SLC44A1: variants seen among roughly 807,000 people sequenced by gnomAD.
The protein encoded by SLC44A1 is solute carrier family 44 member 1, also known as choline transporter-like protein 1.
In SLC44A1, 26 loss-of-function variants were observed where a neutral mutation model predicts 79.3. That is an observed-to-expected ratio of 0.33 (90% CI 0.24 to 0.46). The LOEUF is 0.46. SLC44A1 is among the 20% of genes least tolerant of loss of function. The pLI is 1.00. For missense variants in SLC44A1, 688 were observed against 798.1 expected (o/e 0.86, Z 1.66); for synonymous variants, 263 against 286.2 (o/e 0.92, Z 0.82).
At chr9:105,263,504 T>C (rs2131216643) in intron 1 of SLC44A1, among the ~76,000 whole-genome samples, 1 of 152,194 alleles carries the variant, frequency 6.6e-6, no homozygotes, top group East Asian at 1.9e-4. Flanking sequence ...TAAATCTATG[T>C]AATTTTTATT....
intron 15 of SLC44A1, chr9:105,438,137 T>A: frequency 1.6e-6 from 1 of 632,560 alleles, no homozygotes; most frequent in Non-Finnish European, 2.8e-6. Flanking sequence ...AATCTGTGTG[T>A]GTGTGTGTGT....
chr9:105,393,075 A>G lies in SLC44A1; in HGVS notation c.*4019A>G. On this transcript the variant is annotated 3_prime_UTR_variant, in exon 16 of 16. Transcript: ENST00000374720. ...TCCATCTGACACATACGAGTGCACT[A>G]TAATGGCTTGCCTAGAACTGGTAAG... is the stretch of plus-strand genomic sequence containing the variant. 3 of 985,418 alleles carry G rather than the reference A, an allele frequency of 3.0e-6. No individual in the cohort carries two copies. The highest frequency in any genetic ancestry group is 2.4e-6 in the Non-Finnish European group (2 of 829,868). 61.0% of individuals were successfully genotyped at this position (985,418 alleles called of 1,614,324 possible).
Position 105,299,245 on chromosome 9 carries a change from T to A in SLC44A1, c.62T>A (p.Leu21Gln), listed in dbSNP as rs1418266437. ...AQSSKREWKP[L>Q]EDRSCTDIPW... Reference sequence around the variant, plus strand: ...AGCTCCAAACGAGAATGGAAGCCGCTGGAGGACCGTAGCTGCACAGACATA... The same window carrying A: ...AGCTCCAAACGAGAATGGAAGCCGCAGGAGGACCGTAGCTGCACAGACATA... Residue 21 changes from leucine to glutamine, a missense_variant, in exon 2 of 16, where the codon CTG becomes CAG. Leu to Gln is a moderately radical substitution (Grantham distance 113). Transcript: ENST00000374720. The A allele has an allele frequency of 6.3e-7, 1 of 1,592,298 alleles. No individual in the cohort carries two copies. Among genetic ancestry groups the A allele is most frequent in the Non-Finnish European group, 8.5e-7 (1 of 1,172,610 alleles).
chr9:105,300,550 G>C (rs983941459), intron 2 of SLC44A1, among the ~76,000 whole-genome samples: 2 of 152,082 alleles, frequency 1.3e-5, no homozygotes, highest in Non-Finnish European at 2.9e-5. Context: ...AAAAGGAAAA[G>C]AAAGCAATAC....
At chr9:105,308,269 A>G (rs1831085079) in intron 2 of SLC44A1, among the ~76,000 whole-genome samples, 1 of 152,232 alleles carries the variant, frequency 6.6e-6, no homozygotes, top group South Asian at 2.1e-4. Flanking sequence ...AACAACTATA[A>G]TAGCTAAGAC....
Position 105,394,047 on chromosome 9 carries a change from ATCTT to A in SLC44A1, c.*4994_*4997del, listed in dbSNP as rs1386856187. 1.5e-5 allele frequency: 15 copies of A among 985,286 alleles called. No individual in the cohort carries two copies. The highest frequency in any genetic ancestry group is 5.2e-4 in the Middle Eastern group (1 of 1,910). The allele number at this position is 985,286 out of a possible 1,614,324, so 61.0% of individuals were successfully genotyped here. A position where few individuals can be genotyped will look rare whatever the true frequency, so the allele number is the denominator to read the frequency against. The stretch of plus-strand genomic sequence containing the variant: ...TTTGAGCTTAAGAAAGCTATGGACT[ATCTT>A]TCCTTCAAATGCACATCACATGTCT... On this transcript the variant is annotated 3_prime_UTR_variant, in exon 16 of 16. Coordinates refer to ENST00000374720, the MANE Select transcript of SLC44A1 (RefSeq NM_080546.5).
chr9:105,342,439 G>A (rs903725466), intron 4 of SLC44A1, among the ~76,000 whole-genome samples: 5 of 152,128 alleles, frequency 3.3e-5, no homozygotes, highest in African/African-American at 9.7e-5. Context: ...GGCATCCACC[G>A]AGGGGTCTTG....
At chr9:105,270,584 C>G (rs895923256) in intron 1 of SLC44A1, among the ~76,000 whole-genome samples, 6 of 152,210 alleles carry the variant, frequency 3.9e-5, no homozygotes, top group African/African-American at 1.4e-4. Flanking sequence ...GATCCTTCGT[C>G]TTTCAGGGCC....
intron 15 of SLC44A1, among the ~76,000 whole-genome samples, chr9:105,428,433 T>C (rs149714984): frequency 1.2e-3 from 183 of 152,328 alleles, no homozygotes; most frequent in African/African-American, 4.0e-3. Flanking sequence ...AGATCTATGA[T>C]ATTCTAAGAA....
rs914441300 is a variant in SLC44A1, at chr9:105,429,641, A to G, written c.1951-8640A>G. Among the ~76,000 whole-genome samples the G allele has an allele frequency of 2.6e-5, 4 of 152,182 alleles. No individual in the cohort carries two copies. The East Asian group carries it at 5.8e-4, about 22-fold the overall frequency. ...TTAATTTTTGACAGTAATTATGCCT[A>G]CTGAGGGGAAAACAATAAAGATGTA... On this transcript the variant is annotated intron_variant, in intron 15 of 15. Coordinates refer to the SLC44A1 transcript ENST00000374724.
Position 105,392,984 on chromosome 9 carries a change from A to G in SLC44A1, c.*3928A>G, listed in dbSNP as rs972184830. 13 of 984,500 alleles carry G rather than the reference A, an allele frequency of 1.3e-5. No homozygotes were observed. In the African/African-American group the frequency reaches 2.1e-4, roughly 16 times the overall value. 61.0% of individuals were successfully genotyped at this position (984,500 alleles called of 1,614,324 possible). A position where few individuals can be genotyped will look rare whatever the true frequency, so the allele number is the denominator to read the frequency against. On this transcript the variant is annotated 3_prime_UTR_variant, in exon 16 of 16. Coordinates refer to ENST00000374720, the MANE Select transcript of SLC44A1 (RefSeq NM_080546.5). Reference sequence around the variant, plus strand: ...AAAAAAAACAACAACAACAAATAAAACTCTCAGAGTCTGGAGGCTTATCAG... The same window carrying G: ...AAAAAAAACAACAACAACAAATAAAGCTCTCAGAGTCTGGAGGCTTATCAG...
intron 12 of SLC44A1, among the ~76,000 whole-genome samples, chr9:105,367,015 T>C (rs1439630269): frequency 1.3e-5 from 2 of 151,972 alleles, no homozygotes; most frequent in Non-Finnish European, 2.9e-5. Flanking sequence ...TACTACTTAA[T>C]AAGGTTGAAT....
chr9:105,371,641 C>A (rs1446639625), intron 12 of SLC44A1, among the ~76,000 whole-genome samples: 2 of 150,764 alleles, frequency 1.3e-5, no homozygotes, highest in South Asian at 4.2e-4. Flanking sequence ...ATGGTGTGAA[C>A]CCGGGAGGCA....
chr9:105,340,979 A>C (rs1827068773), intron 4 of SLC44A1, among the ~76,000 whole-genome samples: 1 of 152,218 alleles, frequency 6.6e-6, no homozygotes, highest in African/African-American at 2.4e-5. Flanking sequence ...TGGAAATTAG[A>C]TTGGTATTGT....
intron 15 of SLC44A1, among the ~76,000 whole-genome samples, chr9:105,402,966 C>G (rs558250516): frequency 1.2e-3 from 171 of 148,612 alleles, no homozygotes; most frequent in African/African-American, 4.2e-3. Context: ...CATGCACCTT[C>G]ACACCCAGCT....
intron 15 of SLC44A1, among the ~76,000 whole-genome samples, chr9:105,414,126 G>A (rs138859769): frequency 1.3e-5 from 2 of 150,774 alleles, no homozygotes; most frequent in Admixed American, 6.6e-5. Context: ...GCAGTGGCAC[G>A]ATCTTGGCTC....
chr9:105,418,733 A>G (rs1459869789), intron 15 of SLC44A1, among the ~76,000 whole-genome samples: 4 of 152,180 alleles, frequency 2.6e-5, no homozygotes. Context: ...TTGCACAGAT[A>G]AGCAGCTTGT....
chr9:105,387,026 G>A (rs566250973), intron 15 of SLC44A1, among the ~76,000 whole-genome samples: 43 of 40,906 alleles, frequency 1.1e-3, no homozygotes, highest in African/African-American at 3.5e-3. Flanking sequence ...GCGACAGAGC[G>A]AGACTCCATC....
At chr9:105,324,974 A>C (rs1356777109) in intron 3 of SLC44A1, among the ~76,000 whole-genome samples, 1 of 152,240 alleles carries the variant, frequency 6.6e-6, no homozygotes, top group Non-Finnish European at 1.5e-5. Flanking sequence ...TAGAGTTACC[A>C]TATGATCCAG....
Sources: gnomAD v4.1 joint callset for allele counts (sites outside exome capture counted in the v4.1 genomes callset) on GRCh38, gnomAD v4.1.1 for gene constraint, MANE v1.5 for transcripts, NCBI Gene and HGNC (gene_info 2026-07-23, HGNC 2026-07-21) for gene names.